CFAP44: variants seen among roughly 807,000 people sequenced by gnomAD.
CFAP44 encodes the protein cilia and flagella associated protein 44.
Under a neutral mutation model 216.2 loss-of-function variants are expected in CFAP44, and 134 were observed. The observed-to-expected ratio is 0.62, with a 90% CI of 0.54 to 0.72. The LOEUF (loss-of-function observed/expected upper bound fraction) is 0.72, where lower values mean the gene tolerates loss of function less well. CFAP44 is among the 30% of genes least tolerant of loss of function. CFAP44 has a pLI of 0.00. For synonymous variants in CFAP44, 700 were observed against 727.6 expected (o/e 0.96, Z 0.61); for missense variants, 2,035 against 2,182.1 (o/e 0.93, Z 1.34).
At chr3:113,332,192 T>C (rs1324327969) in intron 25 of CFAP44, among the ~76,000 whole-genome samples, 4 of 152,214 alleles carry the variant, frequency 2.6e-5, no homozygotes, top group Non-Finnish European at 5.9e-5. Flanking sequence ...CATAAGAACA[T>C]TTCTCTACAA....
rs561365425 is a variant in CFAP44 at position 113,416,638 on chromosome 3, T to C, written c.571-11A>G. On this transcript the variant is annotated splice_polypyrimidine_tract_variant and intron_variant, in intron 5 of 34. Coordinates refer to ENST00000393845, the MANE Select transcript of CFAP44 (RefSeq NM_001164496.2). Reference sequence around the variant, plus strand: ...TTTATGTGGATGAACCTACAAAAGATAAAATTTCACCAAAATATTAAAAGA... The same window carrying C: ...TTTATGTGGATGAACCTACAAAAGACAAAATTTCACCAAAATATTAAAAGA... 4 of 1,573,748 alleles carry C rather than the reference T, an allele frequency of 2.5e-6. No individual in the cohort carries two copies. Among genetic ancestry groups the C allele is most frequent in the South Asian group, 1.1e-5 (1 of 87,410 alleles).
At chr3:113,412,416 TA>T (rs71134889) in intron 6 of CFAP44, among the ~76,000 whole-genome samples, 4,378 of 147,272 alleles carry the variant, frequency 0.03, 108 homozygotes, top group East Asian at 0.1. Flanking sequence ...TTATTTCTTC[TA>T]AAAAAAAAAA....
chr3:113,301,261 C>CA (rs1356471451), intron 32 of CFAP44, among the ~76,000 whole-genome samples: 1 of 151,708 alleles, frequency 6.6e-6, no homozygotes, highest in African/African-American at 2.4e-5. Flanking sequence ...AATATTTCTA[C>CA]AAAGTTCTAA....
At chr3:113,413,538 A>C (rs1189992255) in intron 6 of CFAP44, among the ~76,000 whole-genome samples, 1 of 152,080 alleles carries the variant, frequency 6.6e-6, no homozygotes, top group Non-Finnish European at 1.5e-5. Context: ...TCTTGAGTTA[A>C]TTTTTGTATA....
At chr3:113,345,496 C>A (rs1206136733) in intron 22 of CFAP44, among the ~76,000 whole-genome samples, 1 of 152,062 alleles carries the variant, frequency 6.6e-6, no homozygotes, top group Non-Finnish European at 1.5e-5. Context: ...AAAGTGCAAA[C>A]CTCTTCATTT....
intron 6 of CFAP44, among the ~76,000 whole-genome samples, chr3:113,414,014 T>C (rs566452992): frequency 2.0e-4 from 30 of 152,286 alleles, no homozygotes; most frequent in African/African-American, 7.0e-4. Flanking sequence ...TTCCGTTTGT[T>C]TGTGTCCTCT....
rs115403962 is a variant in CFAP44, at chr3:113,393,293, G to A, written c.1890+2457C>T. Among the ~76,000 whole-genome samples the A allele has an allele frequency of 5.6e-3, 854 of 152,298 alleles. 5 individuals are homozygous for A. The highest frequency in any genetic ancestry group is 0.019 in the African/African-American group (798 of 41,558). On this transcript the variant is annotated intron_variant, in intron 15 of 34. Coordinates refer to ENST00000393845, the MANE Select transcript of CFAP44 (RefSeq NM_001164496.2). ...CTGCCCAAAATGACTTTTAAATTAT[G>A]CTGAGTGTTTTGGTCTTGTACGTTA...
In CFAP44 at chr3:113,366,286, C is replaced by A; in HGVS notation, c.2468G>T (p.Cys823Phe). Residue 823 changes from cysteine (C) to phenylalanine (F), a missense_variant, in exon 19 of 35, where the codon TGT (cysteine) becomes TTT (phenylalanine). By Grantham distance (205) the Cys-to-Phe change is radical. Coordinates refer to ENST00000393845, the MANE Select transcript of CFAP44 (RefSeq NM_001164496.2). ...TCGAATTGCTCCATTTTTCATTCCA[C>A]AAAACATCATAACTTTGTTAATGCT... ...TFNINKVMMF[C>F]GMKNGAIRVY... 1 of 1,605,688 alleles carries A rather than the reference C, an allele frequency of 6.2e-7. No individual in the cohort carries two copies. Among genetic ancestry groups the A allele is most frequent in the Non-Finnish European group, 8.5e-7 (1 of 1,173,698 alleles).
At chr3:113,349,870 C>A (rs1306146383) in intron 22 of CFAP44, among the ~76,000 whole-genome samples, 1 of 152,250 alleles carries the variant, frequency 6.6e-6, no homozygotes, top group African/African-American at 2.4e-5. Flanking sequence ...TCCGAGGAAT[C>A]CTGGGACAGC....
At chr3:113,300,476 A>AAT (rs35787993) in intron 32 of CFAP44, among the ~76,000 whole-genome samples, 24,859 of 148,036 alleles carry the variant, frequency 0.17, 2,472 homozygotes, top group East Asian at 0.33. Context: ...ATATCTTATA[A>AAT]ATATATATAT....
chr3:113,350,635 C>G (rs1950435480), intron 22 of CFAP44, among the ~76,000 whole-genome samples: 3 of 152,200 alleles, frequency 2.0e-5, no homozygotes, highest in African/African-American at 7.2e-5. Context: ...ACTGACAACC[C>G]GTAGCCTTCC....
At chr3:113,300,893 C>T (rs999224646) in intron 32 of CFAP44, among the ~76,000 whole-genome samples, 4 of 151,942 alleles carry the variant, frequency 2.6e-5, no homozygotes, top group Non-Finnish European at 5.9e-5. Context: ...TCTTAAGTGC[C>T]GCTGATTGGA....
At chr3:113,415,467 T>G (rs1934619765) in intron 6 of CFAP44, among the ~76,000 whole-genome samples, 1 of 152,208 alleles carries the variant, frequency 6.6e-6, no homozygotes, top group Non-Finnish European at 1.5e-5. Context: ...GGTGTCAATC[T>G]GAGATCTTTC....
In CFAP44 at chr3:113,330,542, A is replaced by G; in HGVS notation, c.3742T>C (p.Ser1248Pro). The change falls in exon 26 of 35, where the codon TCC (serine) becomes CCC (proline). Residue 1248 changes from serine to proline, a missense_variant. Ser to Pro is a moderately conservative substitution (Grantham distance 74). Around this residue, in one of 3 missense-constraint regions of CFAP44, gnomAD observed 1,883 missense variants for 2,023.7 expected, o/e 0.93. Transcript: ENST00000393845. Reference protein sequence around the residue: ...LKNIQSTLHISKHIPIPKIPQ... With the variant: ...LKNIQSTLHIPKHIPIPKIPQ... ...ATTTTGGGAATGGGTATGTGCTTGG[A>G]TATGTGAAGAGTCGACTGAATGTTC... 1 of 1,537,180 alleles carries G rather than the reference A, an allele frequency of 6.5e-7. No homozygotes were observed. The highest frequency in any genetic ancestry group is 1.4e-5 in the African/African-American group (1 of 73,130).
At chr3:113,375,439 G>A (rs1413810962) in intron 17 of CFAP44, among the ~76,000 whole-genome samples, 1 of 152,118 alleles carries the variant, frequency 6.6e-6, no homozygotes, top group Admixed American at 6.6e-5. Context: ...GCTAAAGCAT[G>A]GAGAAAGACA....
At chr3:113,319,358 A>G (rs570133973) in intron 28 of CFAP44, among the ~76,000 whole-genome samples, 44 of 152,354 alleles carry the variant, frequency 2.9e-4, no homozygotes, top group African/African-American at 1.0e-3. Flanking sequence ...ACATAATGAT[A>G]AAGAGTGCAA....
In CFAP44 at chr3:113,417,563, CCT is replaced by C. The variant is rs553349736; in HGVS notation, c.571-938_571-937del. Among the ~76,000 whole-genome samples, 9 of 152,208 alleles carry C rather than the reference CCT, an allele frequency of 5.9e-5. No homozygotes were observed. In the East Asian group the frequency reaches 1.5e-3, roughly 26 times the overall value. ...TGTTTTCAGATATTATTTCACATCCCCTGATTACATATAAGACAAAGAGCCTG... is the reference window on the plus strand; with the variant it reads ...TGTTTTCAGATATTATTTCACATCCCGATTACATATAAGACAAAGAGCCTG... On this transcript the variant is annotated intron_variant, in intron 5 of 34. Transcript: ENST00000393845.
chr3:113,326,467 T>C lies in CFAP44; in HGVS notation c.4494A>G (p.Lys1498=). The change falls in exon 28 of 35, where the codon AAA becomes AAG. Residue 1498 remains lysine, a synonymous_variant. Coordinates refer to ENST00000393845, the MANE Select transcript of CFAP44 (RefSeq NM_001164496.2). The part of the protein sequence containing the change: ...VLKKKIKRVK[K]KEVEGDADED... Reference sequence around the variant, plus strand: ...AACCAGCATCTCCTTCAACTTCTTTTTTCTTTACCCGTTTAATCTTCTTCT... The same window carrying C: ...AACCAGCATCTCCTTCAACTTCTTTCTTCTTTACCCGTTTAATCTTCTTCT... The C allele has an allele frequency of 4.7e-6, 7 of 1,504,618 alleles. No homozygotes were observed. Among genetic ancestry groups the C allele is most frequent in the Non-Finnish European group, 6.2e-6 (7 of 1,136,606 alleles). 93.2% of individuals were successfully genotyped at this position (1,504,618 alleles called of 1,614,324 possible).
intron 28 of CFAP44, among the ~76,000 whole-genome samples, chr3:113,317,569 T>C (rs1015160926): frequency 3.9e-5 from 6 of 152,150 alleles, no homozygotes; most frequent in East Asian, 1.9e-4. Flanking sequence ...ACGAAGCAAA[T>C]TGGATCCCCC....
Sources: allele counts gnomAD v4.1 joint callset (sites outside exome capture counted in the v4.1 genomes callset), GRCh38; gene constraint gnomAD v4.1.1; regional missense constraint gnomAD v4.1.1; transcripts MANE v1.5; gene names NCBI Gene and HGNC (gene_info 2026-07-23, HGNC 2026-07-21).